The following SUSD4 variants were observed in gnomAD, a reference collection of about 807,000 sequenced individuals.
The protein encoded by SUSD4 is sushi domain-containing protein 4.
Under a neutral mutation model 50.5 loss-of-function variants are expected in SUSD4, and 41 were observed. The observed-to-expected ratio is 0.81, with a 90% CI of 0.63 to 1.05. SUSD4 has a LOEUF of 1.05. Among genes scored for constraint, SUSD4 ranks in the 50% least tolerant of loss-of-function variants. The pLI is 0.00. For missense variants in SUSD4, 580 were observed against 634.7 expected (o/e 0.91, Z 0.93); for synonymous variants, 257 against 257.3 (o/e 1.00, Z 0.01).
At chr1:223,296,157 C>G (rs895516136) in intron 2 of SUSD4, among the ~76,000 whole-genome samples, 1 of 152,024 alleles carries the variant, frequency 6.6e-6, no homozygotes, top group Non-Finnish European at 1.5e-5. Flanking sequence ...CTGCAGTACT[C>G]CAGGTGAGTC....
intron 2 of SUSD4, among the ~76,000 whole-genome samples, chr1:223,306,364 C>T: frequency 6.6e-6 from 1 of 152,196 alleles, no homozygotes; most frequent in Non-Finnish European, 1.5e-5. Context: ...CAAAATCAAG[C>T]AAGCACAGAA....
intron 3 of SUSD4, among the ~76,000 whole-genome samples, chr1:223,284,095 G>T (rs1160016334): frequency 1.6e-5 from 2 of 127,114 alleles, no homozygotes; most frequent in Admixed American, 8.2e-5. Context: ...ATAGGGGGAG[G>T]GGGGAGGGAA....
At chr1:223,344,597 G>A (rs551866093) in intron 2 of SUSD4, among the ~76,000 whole-genome samples, 1 of 151,896 alleles carries the variant, frequency 6.6e-6, no homozygotes, top group East Asian at 1.9e-4. Context: ...GACAATGTTC[G>A]CTTTCCTTAT....
At chr1:223,336,375 C>A (rs61838235) in intron 2 of SUSD4, among the ~76,000 whole-genome samples, 50,581 of 152,050 alleles carry the variant, frequency 0.33, 8,502 homozygotes, top group African/African-American at 0.4. Flanking sequence ...GTAATAGCTA[C>A]AATTTTTAGT....
At chr1:223,268,013 T>TATATATATATATA (rs1553291074) in intron 4 of SUSD4, among the ~76,000 whole-genome samples, 1,908 of 52,164 alleles carry the variant, frequency 0.037, 100 homozygotes, top group African/African-American at 0.045. Context: ...CATGCATTTT[T>TATATATATATATA]TATATATATA....
chr1:223,251,128 T>A (rs560717510), intron 5 of SUSD4, among the ~76,000 whole-genome samples: 6 of 152,322 alleles, frequency 3.9e-5, no homozygotes, highest in African/African-American at 1.4e-4. Context: ...ATGACTGTTA[T>A]GTTAGTCTGT....
chr1:223,256,509 A>G (rs1253333738), intron 5 of SUSD4, among the ~76,000 whole-genome samples: 1 of 152,248 alleles, frequency 6.6e-6, no homozygotes. Context: ...CTCCTCCTGC[A>G]GATGACTCCA....
At chr1:223,268,042 T>TATATATATATATATATATATATAC (rs869264392) in intron 4 of SUSD4, among the ~76,000 whole-genome samples, 9 of 106,826 alleles carry the variant, frequency 8.4e-5, no homozygotes, top group Admixed American at 5.2e-4. Context: ...TATATATATA[T>TATATATATATATATATATATATAC]ACACACACAC....
At chr1:223,269,687 G>A (rs1209923517) in intron 3 of SUSD4, among the ~76,000 whole-genome samples, 1 of 152,166 alleles carries the variant, frequency 6.6e-6, no homozygotes, top group Non-Finnish European at 1.5e-5. Flanking sequence ...TTCCAAATTT[G>A]TTGATTCTTA....
At chr1:223,329,636 A>T (rs1028206305) in intron 2 of SUSD4, among the ~76,000 whole-genome samples, 1 of 152,218 alleles carries the variant, frequency 6.6e-6, no homozygotes, top group African/African-American at 2.4e-5. Context: ...ACAGGCATGG[A>T]GCTCAGTGAA....
At chr1:223,299,696 C>T (rs1420968902) in intron 2 of SUSD4, among the ~76,000 whole-genome samples, 1 of 152,144 alleles carries the variant, frequency 6.6e-6, no homozygotes, top group Non-Finnish European at 1.5e-5. Context: ...GCAGATTACC[C>T]TCCCTAAGGT....
At chr1:223,291,056 A>T (rs1664456654) in intron 3 of SUSD4, among the ~76,000 whole-genome samples, 1 of 152,096 alleles carries the variant, frequency 6.6e-6, no homozygotes, top group Non-Finnish European at 1.5e-5. Context: ...ATTTTTAAAA[A>T]CCTTAAGTCT....
In SUSD4 at chr1:223,248,434, C is replaced by T. The variant is rs147074141; in HGVS notation, c.724+16196G>A. Reference sequence around the variant, plus strand: ...TGCCATTGCACCAGCCATCCCCAGTCTGATCTAAATTTGGGTAATGATTCC... The same window carrying T: ...TGCCATTGCACCAGCCATCCCCAGTTTGATCTAAATTTGGGTAATGATTCC... On this transcript the variant is annotated intron_variant, in intron 5 of 8. Transcript: ENST00000366878. Among the ~76,000 whole-genome samples the T allele has an allele frequency of 8.7e-3, 1,321 of 152,336 alleles. 6 individuals carry two copies. The highest frequency in any genetic ancestry group is 0.014 in the Non-Finnish European group (967 of 68,028).
At chr1:223,311,615 T>C (rs1665879691) in intron 2 of SUSD4, among the ~76,000 whole-genome samples, 1 of 152,218 alleles carries the variant, frequency 6.6e-6, no homozygotes, top group Non-Finnish European at 1.5e-5. Flanking sequence ...AATAAACTCA[T>C]GTAAGATGAG....
chr1:223,248,613 CAT>C (rs568025291), intron 5 of SUSD4, among the ~76,000 whole-genome samples: 1 of 152,124 alleles, frequency 6.6e-6, no homozygotes, highest in Non-Finnish European at 1.5e-5. Flanking sequence ...AAGGCCAACA[CAT>C]GTGTCTACTG....
Position 223,221,368 on chromosome 1 carries a change from T to A in SUSD4, c.*824A>T, listed in dbSNP as rs1441512233. 1 of 338,614 alleles carries A rather than the reference T, an allele frequency of 3.0e-6. No homozygotes were observed. Among genetic ancestry groups the A allele is most frequent in the Non-Finnish European group, 5.3e-6 (1 of 188,744 alleles). 21.0% of individuals were successfully genotyped at this position (338,614 alleles called of 1,614,324 possible). A position where few individuals can be genotyped will look rare whatever the true frequency, so the allele number is the denominator to read the frequency against. On this transcript the variant is annotated 3_prime_UTR_variant, in exon 9 of 9. Coordinates refer to ENST00000366878, the MANE Select transcript of SUSD4 (RefSeq NM_017982.4). ...TAAAATGCTGAAACAAAACATTACC[T>A]TGGTTACTGTCTCCATCATGAGATG...
At chr1:223,240,202 A>G (rs144306085) in intron 5 of SUSD4, among the ~76,000 whole-genome samples, 1 of 152,086 alleles carries the variant, frequency 6.6e-6, no homozygotes, top group Non-Finnish European at 1.5e-5. Flanking sequence ...GGCTTCTTTC[A>G]GAATTTTTTT....
intron 2 of SUSD4, among the ~76,000 whole-genome samples, chr1:223,352,341 G>A (rs1668413270): frequency 6.6e-6 from 1 of 152,336 alleles, no homozygotes; most frequent in South Asian, 2.1e-4. Flanking sequence ...AATGAAAACT[G>A]CAGCAGCAGA....
At chr1:223,358,635 T>C (rs1668799464) in intron 2 of SUSD4, among the ~76,000 whole-genome samples, 1 of 152,176 alleles carries the variant, frequency 6.6e-6, no homozygotes, top group Admixed American at 6.5e-5. Context: ...ATTCAAAAAT[T>C]AAAGAACCAC....
Sources: allele counts gnomAD v4.1 joint callset (sites outside exome capture counted in the v4.1 genomes callset), GRCh38; gene constraint gnomAD v4.1.1; transcripts MANE v1.5; gene names NCBI Gene and HGNC (gene_info 2026-07-23, HGNC 2026-07-21).